The following CALN1 variants were observed in gnomAD, a reference collection of about 807,000 sequenced individuals.
CALN1 encodes the protein calcium-binding protein 8.
CALN1 carries 17 observed loss-of-function variants against 30.6 expected under a neutral mutation model. That is an observed-to-expected ratio of 0.56 (90% CI 0.38 to 0.83). The LOEUF is 0.83. Ranked by LOEUF, CALN1 falls within the 40% of genes least tolerant of loss-of-function variation. The pLI is 0.00. For missense variants in CALN1, 291 were observed against 354.9 expected, an observed-to-expected ratio of 0.82 and a Z score of 1.45; for synonymous variants, 156 against 131.4, an observed-to-expected ratio of 1.19 and a Z score of -1.28.
intron 3 of CALN1, among the ~76,000 whole-genome samples, chr7:72,109,234 A>G (rs1412816966): frequency 6.6e-6 from 1 of 152,138 alleles, no homozygotes; most frequent in Non-Finnish European, 1.5e-5. Flanking sequence ...CCCAGCAGAG[A>G]GAAGACCACC....
chr7:71,834,692 C>T (rs1789507307), intron 5 of CALN1, among the ~76,000 whole-genome samples: 1 of 152,116 alleles, frequency 6.6e-6, no homozygotes, highest in Non-Finnish European at 1.5e-5. Flanking sequence ...CTTCTTCTTC[C>T]AGGAAACAAT....
In CALN1 at chr7:72,022,920, TAAA is replaced by T. The variant is rs3065006; in HGVS notation, c.501+734_501+736del. Among the ~76,000 whole-genome samples the T allele has an allele frequency of 1.0e-3, 132 of 125,790 alleles. 1 individual carries two copies. The highest frequency in any genetic ancestry group is 8.7e-3 in the East Asian group (41 of 4,728). The allele number at this position is 125,790 out of a possible 152,430, so 82.5% of individuals were successfully genotyped here. A position where few individuals can be genotyped will look rare whatever the true frequency, so the allele number is the denominator to read the frequency against. ...AAACAAAAAATAAAATAAATAAAAT[TAAA>T]AAAAAAAAAAAAAGAAATTTAAAAA... On this transcript the variant is annotated intron_variant, in intron 5 of 6. Transcript: ENST00000395275.
chr7:71,939,587 A>AAC (rs56235341), intron 5 of CALN1, among the ~76,000 whole-genome samples: 1 of 151,296 alleles, frequency 6.6e-6, no homozygotes, highest in African/African-American at 2.4e-5. Context: ...AAAAAAAAAA[A>AAC]GTTTACGGAT....
At chr7:71,851,336 CA>C (rs1790634287) in intron 5 of CALN1, among the ~76,000 whole-genome samples, 1 of 145,848 alleles carries the variant, frequency 6.9e-6, no homozygotes, top group South Asian at 2.2e-4. Context: ...GTCAACATGC[CA>C]AAACCCCATC....
intron 4 of CALN1, among the ~76,000 whole-genome samples, chr7:72,067,973 A>G (rs965240770): frequency 6.6e-6 from 1 of 152,204 alleles, no homozygotes; most frequent in Non-Finnish European, 1.5e-5. Flanking sequence ...TGTGCTTTGT[A>G]TCTTAGTCAT....
chr7:71,853,559 T>C lies in CALN1; in HGVS notation c.502-43067A>G, dbSNP rs544693231. 3.3e-5 allele frequency among the ~76,000 whole-genome samples: 5 copies of C among 152,112 alleles called. No individual in the cohort carries two copies. The South Asian group carries it at 1.0e-3, about 32-fold the overall frequency. Reference sequence around the variant, plus strand: ...TTATTTTTCCTGTTTAACTGAAATCTTCTGTCATTCTGAAATTTTAATTTT... The same window carrying C: ...TTATTTTTCCTGTTTAACTGAAATCCTCTGTCATTCTGAAATTTTAATTTT... On this transcript the variant is annotated intron_variant, in intron 5 of 6. Coordinates refer to ENST00000395275, the MANE Select transcript of CALN1 (RefSeq NM_031468.4).
At chr7:72,402,488 G>C (rs1351713728) in intron 2 of CALN1, among the ~76,000 whole-genome samples, 1 of 152,162 alleles carries the variant, frequency 6.6e-6, no homozygotes, top group Non-Finnish European at 1.5e-5. Flanking sequence ...GACAATTTCA[G>C]GATGTACCCA....
upstream of CALN1, among the ~76,000 whole-genome samples, chr7:72,416,734 C>CAAAAAAAAAAAAAAAAA (rs4029798): frequency 1.3e-5 from 1 of 77,690 alleles, no homozygotes; most frequent in Admixed American, 1.8e-4. Context: ...GACTCTGTCT[C>CAAAAAAAAAAAAAAAAA]AAAAAAAAAA....
At chr7:71,996,515 G>A in intron 5 of CALN1, among the ~76,000 whole-genome samples, 1 of 152,170 alleles carries the variant, frequency 6.6e-6, no homozygotes, top group African/African-American at 2.4e-5. Context: ...AGTTAGCTGA[G>A]GATAATGGCT....
chr7:72,118,516 C>A (rs1308801125), intron 3 of CALN1, among the ~76,000 whole-genome samples: 1 of 152,196 alleles, frequency 6.6e-6, no homozygotes, highest in Admixed American at 6.5e-5. Flanking sequence ...AAACGTTACA[C>A]CTGGACAGAT....
intron 6 of CALN1, among the ~76,000 whole-genome samples, chr7:71,805,361 G>A (rs1313417294): frequency 6.6e-6 from 1 of 152,166 alleles, no homozygotes; most frequent in Non-Finnish European, 1.5e-5. Flanking sequence ...GGGGCTGAGG[G>A]AAGAGGCCCA....
chr7:72,254,843 T>C (rs1795806725), intron 3 of CALN1, among the ~76,000 whole-genome samples: 1 of 152,158 alleles, frequency 6.6e-6, no homozygotes. Context: ...CTCGGCTCAC[T>C]GCAACCTCTG....
intron 2 of CALN1, among the ~76,000 whole-genome samples, chr7:72,368,701 A>G (rs1347364484): frequency 6.6e-6 from 1 of 152,088 alleles, no homozygotes; most frequent in African/African-American, 2.4e-5. Flanking sequence ...GAACTCATGA[A>G]TTTACACAAG....
intron 2 of CALN1, among the ~76,000 whole-genome samples, chr7:72,401,429 G>C (rs1806335518): frequency 6.6e-6 from 1 of 152,108 alleles, no homozygotes; most frequent in African/African-American, 2.4e-5. Flanking sequence ...AATCTTTAAG[G>C]AATGTGTGGA....
chr7:72,078,361 C>A (rs1804891578), intron 4 of CALN1, among the ~76,000 whole-genome samples: 1 of 152,072 alleles, frequency 6.6e-6, no homozygotes. Context: ...ACTTTTATCA[C>A]AAGCAGTGGG....
chr7:72,390,033 G>A lies in CALN1; in HGVS notation c.119+13218C>T, dbSNP rs1805476735. Among the ~76,000 whole-genome samples, 3 of 152,096 alleles carry A rather than the reference G, an allele frequency of 2.0e-5. No individual in the cohort carries two copies. In the South Asian group the frequency reaches 6.2e-4, roughly 31 times the overall value. On this transcript the variant is annotated intron_variant, in intron 2 of 6. Transcript: ENST00000395275. ...CCATGGCTTACTGCTGGGGTAGTATGATGAGTTCTATGGGCTGGCTGGGTG... is the reference window on the plus strand; with the variant it reads ...CCATGGCTTACTGCTGGGGTAGTATAATGAGTTCTATGGGCTGGCTGGGTG...
At chr7:72,474,718 T>C in the CALN1 span, among the ~76,000 whole-genome samples, 1 of 151,732 alleles carries the variant, frequency 6.6e-6, no homozygotes, top group Non-Finnish European at 1.5e-5. Context: ...AGACCCTTCA[T>C]TGCTCCCTAA....
chr7:72,486,682 TAA>T, the CALN1 span, among the ~76,000 whole-genome samples: 1 of 152,166 alleles, frequency 6.6e-6, no homozygotes, highest in Non-Finnish European at 1.5e-5. Context: ...CACAATACAA[TAA>T]GATTTAGTTG....
intron 6 of CALN1, among the ~76,000 whole-genome samples, chr7:71,809,520 A>G (rs1787818721): frequency 6.6e-6 from 1 of 151,730 alleles, no homozygotes; most frequent in Admixed American, 6.6e-5. Flanking sequence ...AAGAAATGTC[A>G]GCATTGAACA....
Sources: allele counts gnomAD v4.1 joint callset (sites outside exome capture counted in the v4.1 genomes callset), GRCh38; gene constraint gnomAD v4.1.1; transcripts MANE v1.5; gene names NCBI Gene and HGNC (gene_info 2026-07-23, HGNC 2026-07-21).